Variants in MYCBPAP observed in about 807,000 individuals in gnomAD.
The protein encoded by MYCBPAP is MYCBP-associated protein.
Under a neutral mutation model 106.1 loss-of-function variants are expected in MYCBPAP, and 60 were observed. The ratio of observed to expected loss-of-function variants is 0.57; its 90% CI spans 0.46 to 0.70. MYCBPAP has a LOEUF of 0.70. Ranked by LOEUF, MYCBPAP falls within the 30% of genes least tolerant of loss-of-function variation. The pLI is 0.00. For synonymous variants in MYCBPAP, 407 were observed against 440.6 expected, an observed-to-expected ratio of 0.92 and a Z score of 0.95; for missense variants, 1,064 against 1,169.3, an observed-to-expected ratio of 0.91 and a Z score of 1.31.
intron 18 of MYCBPAP, among the ~76,000 whole-genome samples, chr17:50,531,099 C>T (rs1363982339): frequency 6.6e-6 from 1 of 151,418 alleles, no homozygotes; most frequent in African/African-American, 2.4e-5. Flanking sequence ...CTGCAGTGAG[C>T]CATGATCACA....
Position 50,516,580 on chromosome 17 carries a change from G to A in MYCBPAP, c.87G>A (p.Arg29=). 6.2e-7 allele frequency: 1 copy of A among 1,614,030 alleles called. No individual in the cohort carries two copies. The highest frequency in any genetic ancestry group is 2.2e-5 in the East Asian group (1 of 44,880). ...TCTGCTTCTCTTCAGAAAAGAAGCGGGCAAAGGGACCTGAACAACCCACAC... is the reference window on the plus strand; with the variant it reads ...TCTGCTTCTCTTCAGAAAAGAAGCGAGCAAAGGGACCTGAACAACCCACAC... ...EASENVKEKK[R]AKGPEQPTPT... is the part of the protein sequence containing the mutation. Residue 29 remains arginine, a synonymous_variant, in exon 2 of 19, where the codon CGG becomes CGA. Coordinates refer to ENST00000323776, the MANE Select transcript of MYCBPAP (RefSeq NM_032133.6).
chr17:50,520,058 G>A (rs983673718), intron 7 of MYCBPAP: 12 of 366,372 alleles, frequency 3.3e-5, no homozygotes, highest in Admixed American at 8.4e-5. Context: ...GCTGGTGAGC[G>A]CCTGGATCGT....
chr17:50,512,843 G>A (rs547898024), intron 1 of MYCBPAP, among the ~76,000 whole-genome samples: 68 of 152,170 alleles, frequency 4.5e-4, no homozygotes, highest in Non-Finnish European at 7.5e-4. Context: ...GGAGGCCGAG[G>A]TGGGCAGATC....
rs767129885 is a variant in MYCBPAP, at chr17:50,517,324, A to G, written c.236A>G (p.Asp79Gly). The G allele has an allele frequency of 3.1e-6, 5 of 1,614,182 alleles. No individual in the cohort carries two copies. The highest frequency in any genetic ancestry group is 2.5e-6 in the Non-Finnish European group (3 of 1,180,034). The part of the protein sequence containing the change: ...QHIPRLTEKE[D>G]KRVITQKFII... ...ATTCCTCGCCTTACTGAAAAGGAAGATAAACGTGTCATCACCCAGAAATTT... is the reference window on the plus strand; with the variant it reads ...ATTCCTCGCCTTACTGAAAAGGAAGGTAAACGTGTCATCACCCAGAAATTT... Residue 79 changes from aspartate to glycine, a missense_variant, in exon 3 of 19, where the codon GAT becomes GGT. Transcript: ENST00000323776.
At chr17:50,524,840 C>T (rs989195972) in intron 12 of MYCBPAP, 37 bp from the exon 13 acceptor site, 26 of 1,600,784 alleles carry the variant, frequency 1.6e-5, no homozygotes, top group Non-Finnish European at 1.7e-5. Context: ...GTTTTGATAG[C>T]CTGGGCTGCC....
Position 50,519,573 on chromosome 17 carries a change from C to T in MYCBPAP, c.769-67C>T, listed in dbSNP as rs2034181124. On this transcript the variant is annotated intron_variant, in intron 6 of 18. Coordinates refer to ENST00000323776, the MANE Select transcript of MYCBPAP (RefSeq NM_032133.6). Reference sequence around the variant, plus strand: ...TAGCCTGTGGTGGTGCTCTTGTCTTCCCACATCTCCACCAGCATCTGGCTG... The same window carrying T: ...TAGCCTGTGGTGGTGCTCTTGTCTTTCCACATCTCCACCAGCATCTGGCTG... 2.2e-5 allele frequency: 35 copies of T among 1,581,542 alleles called. No homozygotes were observed. The South Asian group carries it at 3.8e-4, about 17-fold the overall frequency.
chr17:50,523,589 C>G lies in MYCBPAP; in HGVS notation c.1448-8C>G. The stretch of plus-strand genomic sequence containing the variant: ...ATGTTGAAAACCTCGGGTCTCTGTC[C>G]CTCTCAGGTGTGATTCTGCCTGGAG... On this transcript the variant is annotated splice_region_variant and splice_polypyrimidine_tract_variant and intron_variant, in intron 11 of 18. Transcript: ENST00000323776. 1 of 1,614,040 alleles carries G rather than the reference C, an allele frequency of 6.2e-7. No homozygotes were observed. The highest frequency in any genetic ancestry group is 8.5e-7 in the Non-Finnish European group (1 of 1,179,970).
intron 18 of MYCBPAP, 154 bp downstream of exon 18, chr17:50,529,342 G>A (rs190453200): frequency 5.9e-6 from 4 of 677,744 alleles, no homozygotes; most frequent in Non-Finnish European, 7.3e-6. Context: ...TCATGAATAA[G>A]GAATGCGCCT....
intron 15 of MYCBPAP, among the ~76,000 whole-genome samples, chr17:50,527,698 G>T (rs538204528): frequency 6.6e-6 from 1 of 152,134 alleles, no homozygotes; most frequent in East Asian, 1.9e-4. Flanking sequence ...GGAAGAAGAC[G>T]GGGGGCAGAT....
chr17:50,526,014 C>T lies in MYCBPAP; in HGVS notation c.1916C>T (p.Ser639Phe), dbSNP rs777834719. 1 of 1,613,978 alleles carries T rather than the reference C, an allele frequency of 6.2e-7. No individual in the cohort carries two copies. The highest frequency in any genetic ancestry group is 1.7e-5 in the Admixed American group (1 of 60,024). ...HVSPIATEKA[S>F]VNAELLPRFR... ...AGCCCCATAGCCACAGAGAAGGCCT[C>T]TGTGAATGCTGAGCTGTTACCACGC... The change falls in exon 14 of 19, where the codon TCT becomes TTT. Residue 639 changes from serine to phenylalanine, a missense_variant. Coordinates refer to ENST00000323776, the MANE Select transcript of MYCBPAP (RefSeq NM_032133.6).
In MYCBPAP at chr17:50,521,430, T is replaced by G. The variant is rs1479753866; in HGVS notation, c.1147T>G (p.Leu383Val). 1 of 1,579,370 alleles carries G rather than the reference T, an allele frequency of 6.3e-7. No individual in the cohort carries two copies. The highest frequency in any genetic ancestry group is 1.1e-5 in the South Asian group (1 of 86,970). ...QGSSSEDTAY[L>V]GTLASSSDVS... ...AAGCTCCTCTGAAGACACAGCATAC[T>G]TGTGAGTGCAGCCTGAACCCTGGGG... is the stretch of plus-strand genomic sequence containing the variant. The change falls in exon 9 of 19, where the codon TTA becomes GTA. Residue 383 changes from leucine (L) to valine (V), a missense_variant and splice_region_variant. Leu to Val is a conservative substitution (Grantham distance 32). Transcript: ENST00000323776.
At chr17:50,519,977 G>A (rs555416358) in intron 7 of MYCBPAP, 190 bp downstream of exon 7, 30 of 603,608 alleles carry the variant, frequency 5.0e-5, no homozygotes, top group African/African-American at 4.1e-4. Context: ...TCAGTAAAAC[G>A]GTGAGAGAGC....
In MYCBPAP at chr17:50,508,487, G is replaced by T; in HGVS notation, c.-188G>T. 2 of 1,475,612 alleles carry T rather than the reference G, an allele frequency of 1.4e-6. No homozygotes were observed. Among genetic ancestry groups the T allele is most frequent in the Non-Finnish European group, 1.8e-6 (2 of 1,104,248 alleles). The allele number at this position is 1,475,612 out of a possible 1,614,324, so 91.4% of individuals were successfully genotyped here. On this transcript the variant is annotated 5_prime_UTR_variant, in exon 1 of 19. Transcript: ENST00000323776. ...TCTTGAAGCCGCCGGCGGCGGGCGC[G>T]TGCGCGGCCCGATGAAGAAGGAGGT...
Position 50,521,346 on chromosome 17 carries a change from G to T in MYCBPAP, c.1063G>T (p.Gly355Trp). Reference protein sequence around the residue: ...DIDGLEVVGKGWPFSAVTVED... With the variant: ...DIDGLEVVGKWWPFSAVTVED... ...TGATGGCCTGGAGGTGGTGGGCAAA[G>T]GGTGGCCCTTCTCGGCTGTTACTGT... Residue 355 changes from glycine to tryptophan, a missense_variant, in exon 9 of 19, where the codon GGG (glycine) becomes TGG (tryptophan). Gly to Trp is a radical substitution (Grantham distance 184). Coordinates refer to ENST00000323776, the MANE Select transcript of MYCBPAP (RefSeq NM_032133.6). The T allele has an allele frequency of 6.2e-7, 1 of 1,605,798 alleles. No homozygotes were observed. Among genetic ancestry groups the T allele is most frequent in the Admixed American group, 1.7e-5 (1 of 59,038 alleles).
Position 50,518,696 on chromosome 17 carries a change from G to A in MYCBPAP, c.624G>A (p.Leu208=). The change falls in exon 5 of 19, where the codon CTG becomes CTA. Residue 208 remains leucine, a synonymous_variant. Transcript: ENST00000323776. ...AAAACTGGCAGCGTAACACAGCCCT[G>A]CGGAAGAAGCAGCAGGAAGCCCTCA... is the stretch of plus-strand genomic sequence containing the variant. The part of the protein sequence containing the change: ...FLKNWQRNTA[L]RKKQQEALSE... 1 of 1,593,900 alleles carries A rather than the reference G, an allele frequency of 6.3e-7. No homozygotes were observed.
intron 1 of MYCBPAP, chr17:50,509,154 A>G (rs1023420260): frequency 1.4e-6 from 1 of 702,862 alleles, no homozygotes; most frequent in Non-Finnish European, 2.6e-6. Flanking sequence ...GAAAGAATGA[A>G]GTGTTGAAAC....
rs10526790 is a variant in MYCBPAP, at chr17:50,530,497, C to CAAAAAAAAAAAAAAAAAAA, written c.2725-821_2725-820insAAAAAAAAAAAAAAAAAAA. Among the ~76,000 whole-genome samples, 6 of 105,934 alleles carry CAAAAAAAAAAAAAAAAAAA rather than the reference C, an allele frequency of 5.7e-5. 1 individual carries two copies. Among genetic ancestry groups the CAAAAAAAAAAAAAAAAAAA allele is most frequent in the East Asian group, 3.5e-4 (1 of 2,854 alleles). The allele number at this position is 105,934 out of a possible 152,430, so 69.5% of individuals were successfully genotyped here. ...GTGACAAGAGTGAGACTCTTACCTC[C>CAAAAAAAAAAAAAAAAAAA]AAAAAAAAAGAATCAACTTGCTGGC... On this transcript the variant is annotated intron_variant, in intron 18 of 18. Transcript: ENST00000323776.
chr17:50,519,245 A>G (rs2143942044), intron 6 of MYCBPAP, among the ~76,000 whole-genome samples, 156 bp downstream of exon 6: 1 of 152,358 alleles, frequency 6.6e-6, no homozygotes, highest in East Asian at 1.9e-4. Context: ...CAAGGCCTTT[A>G]CTAAATTATA....
In MYCBPAP at chr17:50,523,640, C is replaced by T. The variant is rs954080922; in HGVS notation, c.1491C>T (p.Phe497=). ...AAATTAAAACATTTACCTTCTTCTT[C>T]AAGTCTTTGACTGCTGGGGTCTTCA... ...PGEIKTFTFF[F]KSLTAGVFRE... is the part of the protein sequence containing the mutation. Residue 497 remains phenylalanine (F), a synonymous_variant, in exon 12 of 19, where the codon TTC becomes TTT. Transcript: ENST00000323776. 6.2e-7 allele frequency: 1 copy of T among 1,614,196 alleles called. No homozygotes were observed. Among genetic ancestry groups the T allele is most frequent in the Non-Finnish European group, 8.5e-7 (1 of 1,180,040 alleles).
Sources: allele counts gnomAD v4.1 joint callset (sites outside exome capture counted in the v4.1 genomes callset), GRCh38; gene constraint gnomAD v4.1.1; transcripts MANE v1.5; gene names NCBI Gene and HGNC (gene_info 2026-07-23, HGNC 2026-07-21).